The following PRKD2 variants were observed in gnomAD, a reference collection of about 807,000 sequenced individuals.
PRKD2 encodes the protein serine/threonine-protein kinase D2.
In PRKD2, 22 loss-of-function variants were observed where a neutral mutation model predicts 86.0. The observed-to-expected ratio is 0.26, with a 90% CI of 0.18 to 0.37. PRKD2 has a LOEUF of 0.37. Among genes scored for constraint, PRKD2 ranks in the 10% least tolerant of loss-of-function variants. PRKD2 has a pLI of 1.00. For synonymous variants in PRKD2, 509 were observed against 510.9 expected (o/e 1.00, Z 0.05); for missense variants, 818 against 1,199.2 (o/e 0.68, Z 4.70).
Position 46,683,003 on chromosome 19 carries a change from A to AT in PRKD2, c.1972-1256dup, listed in dbSNP as rs369794536. 7.6e-3 allele frequency among the ~76,000 whole-genome samples: 1,100 copies of AT among 145,362 alleles called. 11 individuals carry two copies. Among genetic ancestry groups the AT allele is most frequent in the African/African-American group, 0.026 (1,013 of 39,678 alleles). ...AGGCGTGAGCCACCCCACCTCACCCATTTTTTTTTTGAAGAGATGGAGTCT... is the reference window on the plus strand; with the variant it reads ...AGGCGTGAGCCACCCCACCTCACCCATTTTTTTTTTTGAAGAGATGGAGTCT... On this transcript the variant is annotated intron_variant, in intron 14 of 17. Coordinates refer to ENST00000291281, the MANE Select transcript of PRKD2 (RefSeq NM_016457.5).
intron 14 of PRKD2, among the ~76,000 whole-genome samples, chr19:46,683,912 T>C (rs1420300955): frequency 6.6e-6 from 1 of 152,132 alleles, no homozygotes; most frequent in Non-Finnish European, 1.5e-5. Context: ...TCCTGCTGTA[T>C]CTGTTCCTAT....
At position 46,674,691 on chromosome 19, in the gene PRKD2, C is replaced by A; in HGVS notation, c.2469G>T (p.Met823Ile). 3 of 1,606,190 alleles carry A rather than the reference C, an allele frequency of 1.9e-6. No homozygotes were observed. Among genetic ancestry groups the A allele is most frequent in the Non-Finnish European group, 2.5e-6 (3 of 1,179,970 alleles). ...WLDLRELEGK[M>I]GERYITHESD... ...TCTCATGCGTGATGTATCGCTCTCC[C>A]ATCTTCCCCTCCAGCTCTCGGAGGT... is the stretch of plus-strand genomic sequence containing the variant. The change falls in exon 18 of 18, where the codon ATG becomes ATT. Residue 823 changes from methionine (M) to isoleucine (I), a missense_variant. Around this residue, in one of 5 missense-constraint regions of PRKD2, gnomAD observed 132 missense variants for 146.2 expected, o/e 0.90. Coordinates refer to ENST00000291281, the MANE Select transcript of PRKD2 (RefSeq NM_016457.5).
intron 1 of PRKD2, among the ~76,000 whole-genome samples, chr19:46,715,154 C>T (rs1391812046): frequency 6.6e-6 from 1 of 152,144 alleles, no homozygotes; most frequent in South Asian, 2.1e-4. Flanking sequence ...CCTAAATAAG[C>T]GGTAATCTAA....
In PRKD2 at chr19:46,698,972, A is replaced by G. The variant is rs75593789; in HGVS notation, c.1122-1122T>C. Among the ~76,000 whole-genome samples the G allele has an allele frequency of 8.5e-3, 1,294 of 152,212 alleles. 60 individuals are homozygous for G. In the East Asian group the frequency reaches 0.13, roughly 15 times the overall value. On this transcript the variant is annotated intron_variant, in intron 7 of 17. Transcript: ENST00000291281. Reference sequence around the variant, plus strand: ...ACGGTGTTACTAGGCATTCCCAGGAAAGACGTGGGAGAAAGGGAACCTGCG... The same window carrying G: ...ACGGTGTTACTAGGCATTCCCAGGAGAGACGTGGGAGAAAGGGAACCTGCG...
chr19:46,676,692 C>G (rs2053208766), intron 16 of PRKD2, among the ~76,000 whole-genome samples: 1 of 152,210 alleles, frequency 6.6e-6, no homozygotes, highest in Non-Finnish European at 1.5e-5. Context: ...GATCCTCACA[C>G]AGGTGCAACC....
At chr19:46,712,519 T>C (rs1418069425) in intron 2 of PRKD2, among the ~76,000 whole-genome samples, 1 of 152,078 alleles carries the variant, frequency 6.6e-6, no homozygotes, top group Non-Finnish European at 1.5e-5. Flanking sequence ...CCAGCCTGGG[T>C]GACAGAGCGA....
chr19:46,681,400 G>GC (rs1416527815), intron 15 of PRKD2, among the ~76,000 whole-genome samples: 3 of 151,460 alleles, frequency 2.0e-5, no homozygotes, highest in African/African-American at 7.3e-5. Context: ...GACTATAGGC[G>GC]CACGCCACCA....
At chr19:46,711,542 G>A (rs1281337557) in intron 2 of PRKD2, among the ~76,000 whole-genome samples, 4 of 151,758 alleles carry the variant, frequency 2.6e-5, no homozygotes, top group Non-Finnish European at 4.4e-5. Context: ...ACAGGCATGC[G>A]CCACCACACC....
intron 7 of PRKD2, 22 bp downstream of exon 7, chr19:46,700,776 CT>C: frequency 6.3e-7 from 1 of 1,599,890 alleles, no homozygotes; most frequent in Non-Finnish European, 8.6e-7. Context: ...CCCCCAGGGT[CT>C]CTTGGAGGGT....
intron 16 of PRKD2, among the ~76,000 whole-genome samples, 168 bp from the exon 17 acceptor site, chr19:46,675,286 AC>A (rs1005925230): frequency 7.9e-5 from 12 of 152,016 alleles, no homozygotes; most frequent in Admixed American, 5.9e-4. Context: ...TTTCCTCATT[AC>A]ATTACAAATT....
chr19:46,677,783 A>C (rs976737121), intron 16 of PRKD2, among the ~76,000 whole-genome samples: 1 of 152,040 alleles, frequency 6.6e-6, no homozygotes, highest in African/African-American at 2.4e-5. Context: ...CCCAGCTTCC[A>C]GGACTCAGGG....
At chr19:46,683,168 T>C (rs2053336958) in intron 14 of PRKD2, among the ~76,000 whole-genome samples, 1 of 14,036 alleles carries the variant, frequency 7.1e-5, no homozygotes, top group Non-Finnish European at 1.5e-4. Context: ...TTTGATTCCT[T>C]TTTTTTTTTT....
chr19:46,689,910 T>C (rs2053459090), intron 13 of PRKD2, among the ~76,000 whole-genome samples: 1 of 152,126 alleles, frequency 6.6e-6, no homozygotes, highest in African/African-American at 2.4e-5. Context: ...TTTTTTTCTT[T>C]CTATTTAAAT....
Position 46,678,278 on chromosome 19 carries a change from G to A in PRKD2, c.2338+118C>T, listed in dbSNP as rs1285750878. ...CTCCAGTAGGCCCGCCCCAGCACTG[G>A]GCTCCACCCCCAAGGTGCCAGGCTG... On this transcript the variant is annotated intron_variant, in intron 16 of 17. Coordinates refer to ENST00000291281, the MANE Select transcript of PRKD2 (RefSeq NM_016457.5). The surrounding 1 kb of genome is among the most constrained non-coding windows in gnomAD (Gnocchi z 5.7). 1.2e-5 allele frequency: 18 copies of A among 1,452,604 alleles called. No homozygotes were observed. Among genetic ancestry groups the A allele is most frequent in the Non-Finnish European group, 1.7e-5 (18 of 1,086,928 alleles). The allele number at this position is 1,452,604 out of a possible 1,614,324, so 90.0% of individuals were successfully genotyped here.
In PRKD2 at chr19:46,716,247, C is replaced by A; in HGVS notation, c.124G>T (p.Gly42Cys). 2.5e-6 allele frequency: 4 copies of A among 1,603,936 alleles called. No homozygotes were observed. Among genetic ancestry groups the A allele is most frequent in the Non-Finnish European group, 3.4e-6 (4 of 1,175,958 alleles). Residue 42 changes from glycine (G) to cysteine (C), a missense_variant, in exon 1 of 18, where the codon GGT (glycine) becomes TGT (cysteine). Around this residue, in one of 5 missense-constraint regions of PRKD2, gnomAD observed 403 missense variants for 518.6 expected, o/e 0.78. Transcript: ENST00000291281. The surrounding 1 kb of genome is among the most constrained non-coding windows in gnomAD (Gnocchi z 7.9). The stretch of plus-strand genomic sequence containing the variant: ...TGGATGTGAAAGGAGACCCCGGAAC[C>A]CGGGGCCGGGATCTGGGGCAGTAGC... ...PPLLPQIPAP[G>C]SGVSFHIQIG...
At chr19:46,674,857 C>A in intron 17 of PRKD2, 122 bp from the exon 18 acceptor site, 1 of 1,229,510 alleles carries the variant, frequency 8.1e-7, no homozygotes. Context: ...TGCAACCCAC[C>A]CAGCCAGTAG....
Position 46,697,173 on chromosome 19 carries a change from G to C in PRKD2, c.1301C>G (p.Thr434Ser). 1 of 1,587,028 alleles carries C rather than the reference G, an allele frequency of 6.3e-7. No individual in the cohort carries two copies. The highest frequency in any genetic ancestry group is 8.7e-7 in the Non-Finnish European group (1 of 1,155,482). Residue 434 changes from threonine to serine, a missense_variant, in exon 9 of 18, where the codon ACC becomes AGC. Around this residue, in one of 5 missense-constraint regions of PRKD2, gnomAD observed 127 missense variants for 157.8 expected, o/e 0.80. Transcript: ENST00000291281. ...GAGGCTTACCTTATAGTATCTGTTG[G>C]TCGTGTTGTTCTGGAAGAGCGTGAT... ...KCITLFQNNT[T>S]NRYYKEIPLS...
intron 5 of PRKD2, 72 bp from the exon 6 acceptor site, chr19:46,701,184 C>T: frequency 1.3e-6 from 2 of 1,488,018 alleles, no homozygotes; most frequent in Non-Finnish European, 1.9e-6. Context: ...GAACCTTGAC[C>T]CTAAGCCTCA....
At position 46,716,317 on chromosome 19, in the gene PRKD2, C is replaced by A. The variant is rs899878204; in HGVS notation, c.54G>T (p.Gly18=). Residue 18 remains glycine, a synonymous_variant, in exon 1 of 18, where the codon GGG becomes GGT. Coordinates refer to ENST00000291281, the MANE Select transcript of PRKD2 (RefSeq NM_016457.5). The surrounding 1 kb of genome is among the most constrained non-coding windows in gnomAD (Gnocchi z 7.9). ...CTAGGCCGCCGGGGGGCGGAGGAGA[C>A]CCCGGCCCGGGAGAGCCAGGGAGCC... is the stretch of plus-strand genomic sequence containing the variant. ...PAGLPGSPGP[G]SPPPPGGLEL... 1 of 1,505,038 alleles carries A rather than the reference C, an allele frequency of 6.6e-7. No homozygotes were observed. The highest frequency in any genetic ancestry group is 8.9e-7 in the Non-Finnish European group (1 of 1,129,122). 93.2% of individuals were successfully genotyped at this position (1,505,038 alleles called of 1,614,324 possible).
Sources: allele counts gnomAD v4.1 joint callset (sites outside exome capture counted in the v4.1 genomes callset), GRCh38; gene constraint gnomAD v4.1.1; regional missense constraint gnomAD v4.1.1; non-coding constraint Gnocchi (gnomAD v3.1); transcripts MANE v1.5; gene names NCBI Gene and HGNC (gene_info 2026-07-23, HGNC 2026-07-21).